Variants in PCDH15 observed in about 807,000 individuals in gnomAD.
The protein encoded by PCDH15 is protocadherin-15.
In PCDH15, 129 loss-of-function variants were observed where a neutral mutation model predicts 178.5. The ratio of observed to expected loss-of-function variants is 0.72; its 90% CI spans 0.63 to 0.84. The LOEUF is 0.84. Ranked by LOEUF, PCDH15 falls within the 40% of genes least tolerant of loss-of-function variation. PCDH15 has a pLI of 0.00. For synonymous variants in PCDH15, 800 were observed against 732.0 expected (o/e 1.09, Z -1.50); for missense variants, 2,230 against 2,099.9 (o/e 1.06, Z -1.21).
At chr10:54,235,373 T>C (rs1407222943) in intron 9 of PCDH15, among the ~76,000 whole-genome samples, 1 of 152,200 alleles carries the variant, frequency 6.6e-6, no homozygotes, top group Non-Finnish European at 1.5e-5. Flanking sequence ...AGAAAAAGAA[T>C]GCACATAACT....
intron 2 of PCDH15, chr10:54,599,780 C>A: frequency 1.9e-6 from 1 of 528,966 alleles, no homozygotes; most frequent in Non-Finnish European, 3.5e-6. Flanking sequence ...TTAGACCAAG[C>A]TGAAGAGGGA....
At position 53,823,501 on chromosome 10, in the gene PCDH15, A is replaced by G. The variant is rs372058254; in HGVS notation, c.4368-3271T>C. Reference sequence around the variant, plus strand: ...CAACACTAACCTACTAAAGCAAGACATTATTTTAATTCCCTGCTCTTAGAA... The same window carrying G: ...CAACACTAACCTACTAAAGCAAGACGTTATTTTAATTCCCTGCTCTTAGAA... On this transcript the variant is annotated intron_variant, in intron 32 of 37. Transcript: ENST00000644397. The G allele has an allele frequency of 6.0e-6, 5 of 839,248 alleles. No individual in the cohort carries two copies. In the African/African-American group the frequency reaches 8.3e-5, roughly 14 times the overall value. 52.0% of individuals were successfully genotyped at this position (839,248 alleles called of 1,614,324 possible). A position where few individuals can be genotyped will look rare whatever the true frequency, so the allele number is the denominator to read the frequency against.
At chr10:54,840,057 G>T (rs1161623187) in intron 3 of PCDH15, among the ~76,000 whole-genome samples, 1 of 151,924 alleles carries the variant, frequency 6.6e-6, no homozygotes, top group Admixed American at 6.6e-5. Flanking sequence ...AATGCCAAAA[G>T]AATTCTCAAG....
chr10:55,347,050 C>G (rs1195118185), intron 2 of PCDH15, among the ~76,000 whole-genome samples: 3 of 151,378 alleles, frequency 2.0e-5, no homozygotes, highest in African/African-American at 7.3e-5. Flanking sequence ...CCCATCTCTA[C>G]AAAAAATAAA....
At chr10:54,876,947 C>T (rs1028289338) in intron 3 of PCDH15, among the ~76,000 whole-genome samples, 4 of 152,090 alleles carry the variant, frequency 2.6e-5, no homozygotes, top group African/African-American at 9.7e-5. Flanking sequence ...GCATTGCATG[C>T]TACCAAGAAA....
intron 2 of PCDH15, among the ~76,000 whole-genome samples, chr10:55,473,738 T>C (rs1488761353): frequency 6.6e-6 from 1 of 152,150 alleles, no homozygotes; most frequent in African/African-American, 2.4e-5. Flanking sequence ...CTGCCTCCAA[T>C]AGCATTAAGG....
chr10:54,462,512 C>CTTTTTTTTTTTTTTTTTTTTTTTT (rs562731025), intron 3 of PCDH15, among the ~76,000 whole-genome samples: 7 of 66,892 alleles, frequency 1.0e-4, no homozygotes, highest in Admixed American at 4.5e-4. Context: ...TTTTTCTTTT[C>CTTTTTTTTTTTTTTTTTTTTTTTT]TTTTTTTTTT....
At chr10:54,677,084 T>C (rs1234857031) in intron 1 of PCDH15, among the ~76,000 whole-genome samples, 1 of 152,152 alleles carries the variant, frequency 6.6e-6, no homozygotes, top group Admixed American at 6.6e-5. Context: ...TTCAAAAGTA[T>C]ATTCCGGCAC....
At chr10:53,840,635 C>A (rs952875208) in intron 28 of PCDH15, 139 bp from the exon 29 acceptor site, 18 of 808,122 alleles carry the variant, frequency 2.2e-5, no homozygotes, top group Admixed American at 9.0e-5. Flanking sequence ...TGAATATAAA[C>A]CCTTGAAAAA....
intron 2 of PCDH15, among the ~76,000 whole-genome samples, chr10:54,944,053 T>C (rs565951199): frequency 1.2e-4 from 18 of 152,034 alleles, no homozygotes; most frequent in African/African-American, 4.3e-4. Context: ...TAAGAACATA[T>C]GTCTCAGCCA....
intron 2 of PCDH15, among the ~76,000 whole-genome samples, chr10:55,397,622 G>A (rs540575674): frequency 5.3e-5 from 8 of 151,922 alleles, no homozygotes; most frequent in Middle Eastern, 3.4e-3. Flanking sequence ...TTGCTCTGTC[G>A]CCCAGGCTGG....
At chr10:54,018,934 T>C (rs1169494700) in intron 20 of PCDH15, among the ~76,000 whole-genome samples, 1 of 152,112 alleles carries the variant, frequency 6.6e-6, no homozygotes, top group Non-Finnish European at 1.5e-5. Flanking sequence ...AATCAAAACA[T>C]GTATACTAAA....
Position 54,187,986 on chromosome 10 carries a change from G to C in PCDH15, c.1306-2718C>G, listed in dbSNP as rs188878839. ...AATATTACAGCATATCATTTTATGA[G>C]TTTTATGAAAATTTTAAGTAATATC... is the stretch of plus-strand genomic sequence containing the variant. On this transcript the variant is annotated intron_variant, in intron 11 of 37. Transcript: ENST00000644397. Among the ~76,000 whole-genome samples, 675 of 151,708 alleles carry C rather than the reference G, an allele frequency of 4.4e-3. 1 individual carries two copies. Among genetic ancestry groups the C allele is most frequent in the Admixed American group, 9.0e-3 (137 of 15,224 alleles).
At chr10:55,146,000 C>T (rs2013221) in intron 2 of PCDH15, among the ~76,000 whole-genome samples, 80,271 of 150,876 alleles carry the variant, frequency 0.53, 21,660 homozygotes, top group South Asian at 0.65. Flanking sequence ...AATATCTTTC[C>T]AATTTCACTT....
At chr10:53,902,883 T>A (rs1318376333) in intron 26 of PCDH15, among the ~76,000 whole-genome samples, 1 of 152,146 alleles carries the variant, frequency 6.6e-6, no homozygotes, top group Non-Finnish European at 1.5e-5. Context: ...CTATTTCTTC[T>A]ATTAGAAGTG....
intron 26 of PCDH15, among the ~76,000 whole-genome samples, chr10:53,871,592 A>G (rs763273727): frequency 6.6e-6 from 1 of 152,048 alleles, no homozygotes; most frequent in Admixed American, 6.6e-5. Context: ...ATGTTTATCC[A>G]TGAATATGTA....
intron 9 of PCDH15, among the ~76,000 whole-genome samples, chr10:54,222,787 ATTT>A (rs60196189): frequency 0.024 from 3,601 of 152,280 alleles, 143 homozygotes; most frequent in African/African-American, 0.078. Context: ...ATCTGTAATA[ATTT>A]GTTAAAACTT....
At chr10:53,825,016 G>GTAAGTGAGTC in intron 32 of PCDH15, 1 of 1,246,430 alleles carries the variant, frequency 8.0e-7, no homozygotes, top group South Asian at 2.6e-5. Flanking sequence ...CCTTTTAACA[G>GTAAGTGAGTC]TAAGTGAGTC....
intron 2 of PCDH15, among the ~76,000 whole-genome samples, chr10:55,439,043 C>CG (rs1353548544): frequency 1.3e-5 from 2 of 151,898 alleles, no homozygotes; most frequent in Non-Finnish European, 2.9e-5. Context: ...GGACTACAGG[C>CG]GCCCACCACC....
Sources: allele counts gnomAD v4.1 joint callset (sites outside exome capture counted in the v4.1 genomes callset), GRCh38; gene constraint gnomAD v4.1.1; transcripts MANE v1.5; gene names NCBI Gene and HGNC (gene_info 2026-07-23, HGNC 2026-07-21).